Variants in RBFOX1 observed in about 807,000 individuals in gnomAD.
RBFOX1 encodes the protein RNA binding fox-1 homolog 1.
A neutral mutation model predicts 57.7 loss-of-function variants in RBFOX1; 8 were observed. The ratio of observed to expected loss-of-function variants is 0.14; its 90% CI spans 0.08 to 0.25. RBFOX1 has a LOEUF of 0.25. RBFOX1 is among the 10% of genes least tolerant of loss of function. The probability of loss-of-function intolerance (pLI) is 1.00; values close to 1 mark genes in which losing one functional copy is unlikely to be tolerated. For synonymous variants in RBFOX1, 326 were observed against 222.4 expected, an observed-to-expected ratio of 1.47 and a Z score of -4.15; for missense variants, 611 against 548.5, an observed-to-expected ratio of 1.11 and a Z score of -1.14.
chr16:5,606,681 G>A (rs1316409473), intron 3 of RBFOX1, among the ~76,000 whole-genome samples: 1 of 151,902 alleles, frequency 6.6e-6, no homozygotes, highest in Non-Finnish European at 1.5e-5. Context: ...CAATCTGATT[G>A]CTTTGTAGTG....
At chr16:6,921,574 G>C (rs909435140) in intron 3 of RBFOX1, among the ~76,000 whole-genome samples, 4 of 151,410 alleles carry the variant, frequency 2.6e-5, no homozygotes, top group African/African-American at 9.7e-5. Context: ...ATGGCAGCTT[G>C]CTTCTTCAAG....
intron 3 of RBFOX1, among the ~76,000 whole-genome samples, chr16:6,695,772 A>G (rs746025480): frequency 1.3e-5 from 2 of 152,180 alleles, no homozygotes; most frequent in Non-Finnish European, 2.9e-5. Flanking sequence ...CTTGTAGCAA[A>G]AGTAAATAAC....
chr16:6,874,859 A>G (rs767382901), intron 3 of RBFOX1, among the ~76,000 whole-genome samples: 4 of 152,214 alleles, frequency 2.6e-5, no homozygotes, highest in African/African-American at 7.2e-5. Context: ...ATGACACCCA[A>G]TGAACTTACC....
chr16:7,622,154 T>C (rs1320964965), intron 10 of RBFOX1, among the ~76,000 whole-genome samples: 1 of 152,140 alleles, frequency 6.6e-6, no homozygotes, highest in Non-Finnish European at 1.5e-5. Flanking sequence ...TAGAAGATGA[T>C]TGTTAGAACC....
Position 6,795,173 on chromosome 16 carries a change from A to T in RBFOX1, c.-16+140523A>T, listed in dbSNP as rs78144626. Among the ~76,000 whole-genome samples, 35 of 152,328 alleles carry T rather than the reference A, an allele frequency of 2.3e-4. No individual in the cohort carries two copies. In the East Asian group the frequency reaches 6.2e-3, roughly 27 times the overall value. ...TCATAGTAAGGACCAGATATTTCAT[A>T]GTGCTAATTCCAAGCTGGGTATAAT... is the stretch of plus-strand genomic sequence containing the variant. On this transcript the variant is annotated intron_variant, in intron 3 of 15. Transcript: ENST00000550418.
chr16:5,889,540 C>G (rs557189019), intron 4 of RBFOX1, among the ~76,000 whole-genome samples: 5 of 152,202 alleles, frequency 3.3e-5, no homozygotes, highest in South Asian at 4.1e-4. Context: ...TGTGTGTGTA[C>G]CTTTATAATA....
At chr16:7,420,287 C>T (rs2098527986) in intron 4 of RBFOX1, among the ~76,000 whole-genome samples, 1 of 152,164 alleles carries the variant, frequency 6.6e-6, no homozygotes, top group Admixed American at 6.5e-5. Context: ...AAGCTAAGCC[C>T]TTGCCTCCCA....
At chr16:6,250,913 C>A (rs1002142352) in intron 1 of RBFOX1, among the ~76,000 whole-genome samples, 42 of 152,118 alleles carry the variant, frequency 2.8e-4, no homozygotes, top group African/African-American at 9.7e-4. Context: ...CTGAACCCTT[C>A]CATTAGTGTA....
chr16:6,972,994 G>A (rs994566519), intron 3 of RBFOX1, among the ~76,000 whole-genome samples: 16 of 152,092 alleles, frequency 1.1e-4, no homozygotes, highest in Middle Eastern at 3.2e-3. Context: ...AGCCCAGCAC[G>A]GTGGTAGGCA....
At chr16:6,110,327 T>A (rs952825219) in intron 1 of RBFOX1, among the ~76,000 whole-genome samples, 1 of 151,940 alleles carries the variant, frequency 6.6e-6, no homozygotes, top group Non-Finnish European at 1.5e-5. Context: ...CTCTGGAAAT[T>A]GATGATTGCT....
chr16:7,429,554 T>A (rs779403553), intron 4 of RBFOX1, among the ~76,000 whole-genome samples: 2 of 152,326 alleles, frequency 1.3e-5, no homozygotes, highest in East Asian at 3.9e-4. Flanking sequence ...GGAAGCCACC[T>A]ATTTTGTCCT....
At chr16:6,931,988 C>T (rs866146407) in intron 3 of RBFOX1, among the ~76,000 whole-genome samples, 1 of 152,276 alleles carries the variant, frequency 6.6e-6, no homozygotes, top group South Asian at 2.1e-4. Context: ...AGATAACTAA[C>T]CCACTCCAGT....
chr16:5,954,363 G>C (rs1437136719), intron 4 of RBFOX1, among the ~76,000 whole-genome samples: 2 of 152,012 alleles, frequency 1.3e-5, no homozygotes, highest in East Asian at 3.9e-4. Flanking sequence ...CGGTGGAGCA[G>C]GTGGTGCCGG....
intron 1 of RBFOX1, among the ~76,000 whole-genome samples, chr16:5,266,228 G>T (rs946742001): frequency 5.3e-5 from 8 of 152,180 alleles, no homozygotes; most frequent in African/African-American, 1.9e-4. Context: ...CAGTTTCTCT[G>T]TTGTATGTGT....
chr16:7,503,297 G>T (rs1217418752), intron 4 of RBFOX1, among the ~76,000 whole-genome samples: 1 of 152,134 alleles, frequency 6.6e-6, no homozygotes, highest in African/African-American at 2.4e-5. Context: ...CTCTCTAAGC[G>T]ATTTGGTTTT....
chr16:7,271,918 T>C (rs1478240462), intron 4 of RBFOX1, among the ~76,000 whole-genome samples: 1 of 152,188 alleles, frequency 6.6e-6, no homozygotes, highest in Non-Finnish European at 1.5e-5. Flanking sequence ...AGTGCCCCAG[T>C]CCTGCTGGAA....
intron 3 of RBFOX1, among the ~76,000 whole-genome samples, chr16:6,980,737 G>C (rs1182335690): frequency 6.6e-6 from 1 of 152,110 alleles, no homozygotes; most frequent in Non-Finnish European, 1.5e-5. Flanking sequence ...CAGATTATAT[G>C]TGGGAAGAAA....
At chr16:6,929,280 G>A (rs2076130213) in intron 3 of RBFOX1, among the ~76,000 whole-genome samples, 1 of 152,082 alleles carries the variant, frequency 6.6e-6, no homozygotes. Flanking sequence ...ATTAGAGGTA[G>A]GAAACTGGGG....
intron 2 of RBFOX1, among the ~76,000 whole-genome samples, chr16:6,486,484 A>G (rs1159873423): frequency 6.6e-6 from 1 of 152,106 alleles, no homozygotes; most frequent in Non-Finnish European, 1.5e-5. Flanking sequence ...CTTTTATTTT[A>G]AAAACTTCAC....
Sources: gnomAD v4.1 joint callset for allele counts (sites outside exome capture counted in the v4.1 genomes callset) on GRCh38, gnomAD v4.1.1 for gene constraint, MANE v1.5 for transcripts, NCBI Gene and HGNC (gene_info 2026-07-23, HGNC 2026-07-21) for gene names.